FBRSL1: variants seen among roughly 807,000 people sequenced by gnomAD.
The protein encoded by FBRSL1 is fibrosin-1-like protein.
Under a neutral mutation model 89.6 loss-of-function variants are expected in FBRSL1, and 51 were observed. That is an observed-to-expected ratio of 0.57 (90% confidence interval 0.45 to 0.72). FBRSL1 has a LOEUF of 0.72. FBRSL1 is among the 30% of genes least tolerant of loss of function. The probability of loss-of-function intolerance (pLI) is 0.00; values close to 1 mark genes in which losing one functional copy is unlikely to be tolerated. For synonymous variants in FBRSL1, 779 were observed against 681.1 expected, an observed-to-expected ratio of 1.14 and a Z score of -2.24; for missense variants, 1,618 against 1,451.8, an observed-to-expected ratio of 1.11 and a Z score of -1.86.
intron 2 of FBRSL1, among the ~76,000 whole-genome samples, chr12:132,525,021 A>G (rs979592453): frequency 2.0e-5 from 3 of 150,544 alleles, no homozygotes; most frequent in East Asian, 4.0e-4. Context: ...CCTGGCACGC[A>G]TCGGCGCCCA....
rs1337899947 is a variant in FBRSL1, at chr12:132,490,293, C to T, written c.-278C>T. On this transcript the variant is annotated 5_prime_UTR_variant, in exon 1 of 19. Coordinates refer to ENST00000680143, the MANE Select transcript of FBRSL1 (RefSeq NM_001367871.1). ...CGCCGCGCCGCGCGCATGGGGCGCG[C>T]CCCCGGGGGGGCGGCCGAGGGCCGC... 7.0e-6 allele frequency: 1 copy of T among 142,210 alleles called. No individual in the cohort carries two copies. The highest frequency in any genetic ancestry group is 2.5e-5 in the African/African-American group (1 of 39,578). The allele number at this position is 142,210 out of a possible 1,614,324, so 8.8% of individuals were successfully genotyped here. A position where few individuals can be genotyped will look rare whatever the true frequency, so the allele number is the denominator to read the frequency against.
intron 17 of FBRSL1, 73 bp from the exon 18 acceptor site, chr12:132,581,989 C>T (rs1226596905): frequency 1.4e-5 from 19 of 1,383,068 alleles, no homozygotes; most frequent in African/African-American, 2.9e-5. Flanking sequence ...TCTAAAACCC[C>T]TACCGGGTTC....
chr12:132,508,985 GT>G (rs1235345184), intron 2 of FBRSL1, among the ~76,000 whole-genome samples: 2 of 152,204 alleles, frequency 1.3e-5, no homozygotes, highest in African/African-American at 4.8e-5. Context: ...CTCCGCGGGG[GT>G]CCGCTGGTGT....
intron 1 of FBRSL1, among the ~76,000 whole-genome samples, chr12:132,506,732 G>A (rs534763866): frequency 6.6e-6 from 1 of 152,388 alleles, no homozygotes; most frequent in African/African-American, 2.4e-5. Context: ...CAGATCCTGG[G>A]TGGGCGAGCA....
At chr12:132,544,847 C>T (rs1022812643) in intron 4 of FBRSL1, among the ~76,000 whole-genome samples, 24 of 151,510 alleles carry the variant, frequency 1.6e-4, no homozygotes, top group Admixed American at 9.2e-4. Flanking sequence ...ATGATGGTGA[C>T]GGTGATGAGG....
intron 1 of FBRSL1, chr12:132,507,423 G>A: frequency 5.1e-6 from 5 of 985,646 alleles, no homozygotes; most frequent in Non-Finnish European, 6.0e-6. Context: ...GTGGAGGTGG[G>A]GACCCCAGAA....
intron 2 of FBRSL1, chr12:132,511,494 G>A (rs1245692929): frequency 3.0e-6 from 3 of 985,886 alleles, no homozygotes; most frequent in South Asian, 4.7e-5. Context: ...TCCAAGGCAC[G>A]CCACTCGCCC....
intron 4 of FBRSL1, among the ~76,000 whole-genome samples, chr12:132,528,194 T>C (rs1407272769): frequency 1.3e-5 from 2 of 152,038 alleles, no homozygotes; most frequent in African/African-American, 2.4e-5. Flanking sequence ...TGGGGGTGCG[T>C]CCTGCTCACG....
In FBRSL1 at chr12:132,490,493, G is replaced by A; in HGVS notation, c.-78G>A. 1 of 938,002 alleles carries A rather than the reference G, an allele frequency of 1.1e-6. No homozygotes were observed. The highest frequency in any genetic ancestry group is 1.3e-6 in the Non-Finnish European group (1 of 790,604). The allele number at this position is 938,002 out of a possible 1,614,324, so 58.1% of individuals were successfully genotyped here. On this transcript the variant is annotated 5_prime_UTR_variant, in exon 1 of 19. Coordinates refer to ENST00000680143, the MANE Select transcript of FBRSL1 (RefSeq NM_001367871.1). ...CGCACACTCAGCCCGGCGGCGCCGC[G>A]TAGCCGAGGGAGCCCGCCTGCTGCG...
intron 5 of FBRSL1, among the ~76,000 whole-genome samples, chr12:132,556,396 C>T (rs12823391): frequency 0.084 from 12,841 of 152,240 alleles, 582 homozygotes; most frequent in Middle Eastern, 0.14. Context: ...CAACAGCAGG[C>T]GCAGGCCCTA....
intron 5 of FBRSL1, among the ~76,000 whole-genome samples, chr12:132,555,814 T>TGGGAGGGCCCCATCTGAGGGTC (rs1335225496): frequency 6.6e-6 from 1 of 152,182 alleles, no homozygotes; most frequent in Non-Finnish European, 1.5e-5. Flanking sequence ...CTGGATAACC[T>TGGGAGGGCCCCATCTGAGGGTC]GGGAGGGCCC....
At chr12:132,505,712 C>A (rs928352161) in intron 1 of FBRSL1, among the ~76,000 whole-genome samples, 2 of 152,198 alleles carry the variant, frequency 1.3e-5, no homozygotes, top group African/African-American at 2.4e-5. Context: ...AGCAGCTGGG[C>A]AGGGCAGTGC....
At position 132,584,239 on chromosome 12, in the gene FBRSL1, C is replaced by G. The variant is rs2040989706; in HGVS notation, c.*461C>G. 1 of 152,134 alleles carries G rather than the reference C, an allele frequency of 6.6e-6. No homozygotes were observed. The highest frequency in any genetic ancestry group is 1.5e-5 in the Non-Finnish European group (1 of 68,042). 9.4% of individuals were successfully genotyped at this position (152,134 alleles called of 1,614,324 possible). A position where few individuals can be genotyped will look rare whatever the true frequency, so the allele number is the denominator to read the frequency against. ...GGCCCCCACTCAGGCCAGCCCTGGCCCCCCCTTGGTACTTGGAACCGAAGT... is the reference window on the plus strand; with the variant it reads ...GGCCCCCACTCAGGCCAGCCCTGGCGCCCCCTTGGTACTTGGAACCGAAGT... On this transcript the variant is annotated 3_prime_UTR_variant, in exon 19 of 19. Coordinates refer to ENST00000680143, the MANE Select transcript of FBRSL1 (RefSeq NM_001367871.1).
intron 4 of FBRSL1, among the ~76,000 whole-genome samples, chr12:132,536,164 CTG>C (rs1491063447): frequency 2.0e-5 from 3 of 149,654 alleles, no homozygotes; most frequent in Non-Finnish European, 4.5e-5. Flanking sequence ...GTGTGCATGA[CTG>C]TGTACACGAT....
At chr12:132,495,735 G>A (rs923824160) in intron 1 of FBRSL1, among the ~76,000 whole-genome samples, 6 of 152,234 alleles carry the variant, frequency 3.9e-5, no homozygotes, top group African/African-American at 1.2e-4. Context: ...TCCCTCCGGG[G>A]AGGTGGACTC....
intron 2 of FBRSL1, chr12:132,510,597 T>G (rs1446925353): frequency 8.1e-7 from 1 of 1,230,798 alleles, no homozygotes; most frequent in African/African-American, 1.5e-5. Context: ...AGGGCTGAGC[T>G]GTTTGTCGTT....
At chr12:132,545,067 A>T (rs529131126) in intron 4 of FBRSL1, among the ~76,000 whole-genome samples, 1 of 151,340 alleles carries the variant, frequency 6.6e-6, no homozygotes, top group Non-Finnish European at 1.5e-5. Flanking sequence ...CTCGCCCAGC[A>T]TGGGGCCGTG....
At chr12:132,530,406 G>T (rs1432577641) in intron 4 of FBRSL1, among the ~76,000 whole-genome samples, 1 of 152,084 alleles carries the variant, frequency 6.6e-6, no homozygotes, top group Admixed American at 6.5e-5. Context: ...CAGGACTCCT[G>T]TCGGCTCACT....
intron 9 of FBRSL1, 181 bp from the exon 10 acceptor site, chr12:132,572,101 TCTGAGA>T: frequency 1.7e-6 from 1 of 600,886 alleles, no homozygotes; most frequent in South Asian, 2.0e-5. Context: ...GCCGCCCTGG[TCTGAGA>T]CTGAGTTCAG....
Sources: gnomAD v4.1 joint callset for allele counts (sites outside exome capture counted in the v4.1 genomes callset) on GRCh38, gnomAD v4.1.1 for gene constraint, MANE v1.5 for transcripts, NCBI Gene and HGNC (gene_info 2026-07-23, HGNC 2026-07-21) for gene names.